ERC2: variants seen among roughly 807,000 people sequenced by gnomAD.
ERC2 encodes the protein ERC protein 2.
A neutral mutation model predicts 114.8 loss-of-function variants in ERC2; 42 were observed. The ratio of observed to expected loss-of-function variants is 0.37; its 90% CI spans 0.29 to 0.47. ERC2 has a LOEUF of 0.47. ERC2 is among the 20% of genes least tolerant of loss of function. The pLI is 0.99. For missense variants in ERC2, 939 were observed against 1,150.7 expected, an observed-to-expected ratio of 0.82 and a Z score of 2.66; for synonymous variants, 454 against 425.5, an observed-to-expected ratio of 1.07 and a Z score of -0.82.
chr3:55,937,950 T>TG (rs920073815), intron 13 of ERC2, among the ~76,000 whole-genome samples: 5 of 152,224 alleles, frequency 3.3e-5, no homozygotes, highest in African/African-American at 1.2e-4. Flanking sequence ...GCCCCAGCAA[T>TG]GCTGCAGGAG....
chr3:56,068,418 T>G (rs1034602256), intron 7 of ERC2, among the ~76,000 whole-genome samples: 1 of 151,986 alleles, frequency 6.6e-6, no homozygotes, highest in Non-Finnish European at 1.5e-5. Flanking sequence ...GTCTATTTGA[T>G]TCTTCTCTTT....
At chr3:55,688,255 G>A (rs1461103312) in intron 16 of ERC2, among the ~76,000 whole-genome samples, 1 of 152,152 alleles carries the variant, frequency 6.6e-6, no homozygotes, top group Admixed American at 6.5e-5. Flanking sequence ...ACCTCCTCCA[G>A]GTTAGAAAGA....
At chr3:55,939,726 C>T (rs1419577703) in intron 13 of ERC2, among the ~76,000 whole-genome samples, 1 of 152,194 alleles carries the variant, frequency 6.6e-6, no homozygotes, top group Non-Finnish European at 1.5e-5. Flanking sequence ...CCCCTGCTGA[C>T]ATAGTGGCTT....
chr3:56,371,863 C>T (rs1357040787), intron 2 of ERC2, among the ~76,000 whole-genome samples: 1 of 152,268 alleles, frequency 6.6e-6, no homozygotes, highest in Non-Finnish European at 1.5e-5. Flanking sequence ...GGCTCATCCT[C>T]ATATGCTCAC....
intron 14 of ERC2, among the ~76,000 whole-genome samples, chr3:55,846,437 G>C (rs1293968781): frequency 1.3e-5 from 2 of 152,100 alleles, no homozygotes; most frequent in Non-Finnish European, 2.9e-5. Flanking sequence ...TTGCTATTGT[G>C]TACAGTGCTG....
chr3:55,759,411 C>T (rs2067264826), intron 14 of ERC2, among the ~76,000 whole-genome samples: 1 of 135,878 alleles, frequency 7.4e-6, no homozygotes, highest in Non-Finnish European at 1.5e-5. Context: ...CTATTGTCTC[C>T]TCCCCCTCTC....
chr3:55,894,035 C>T (rs965674225), intron 13 of ERC2, among the ~76,000 whole-genome samples: 5 of 152,102 alleles, frequency 3.3e-5, no homozygotes, highest in Admixed American at 3.3e-4. Context: ...ATATTCTTAA[C>T]ACAAGAGGCG....
intron 1 of ERC2, among the ~76,000 whole-genome samples, chr3:56,453,264 T>G (rs552016361): frequency 6.6e-6 from 1 of 152,334 alleles, no homozygotes; most frequent in Non-Finnish European, 1.5e-5. Flanking sequence ...ACAGTAGCTA[T>G]CAGAGCCCTC....
At chr3:56,149,839 A>C (rs2081326251) in intron 4 of ERC2, among the ~76,000 whole-genome samples, 1 of 152,186 alleles carries the variant, frequency 6.6e-6, no homozygotes, top group Non-Finnish European at 1.5e-5. Context: ...ACAACTAGAA[A>C]TATTACACTC....
chr3:55,664,252 A>G (rs908430486), intron 17 of ERC2, among the ~76,000 whole-genome samples: 2 of 152,196 alleles, frequency 1.3e-5, no homozygotes, highest in African/African-American at 4.8e-5. Context: ...TCTGTATTTA[A>G]CAAGTTTATA....
intron 13 of ERC2, among the ~76,000 whole-genome samples, chr3:55,901,997 A>G (rs899312412): frequency 6.6e-6 from 1 of 152,206 alleles, no homozygotes; most frequent in Admixed American, 6.5e-5. Context: ...AAAACAAACC[A>G]TCACACACAA....
chr3:56,047,083 C>G (rs989406384), intron 7 of ERC2, among the ~76,000 whole-genome samples: 1 of 152,172 alleles, frequency 6.6e-6, no homozygotes, highest in Non-Finnish European at 1.5e-5. Flanking sequence ...CTTAAACTTT[C>G]CTAGGAGGCT....
At chr3:56,311,237 C>CTATA (rs2056530794) in intron 2 of ERC2, among the ~76,000 whole-genome samples, 1 of 16,374 alleles carries the variant, frequency 6.1e-5, no homozygotes, top group Non-Finnish European at 1.7e-4. Flanking sequence ...CATCTTCTCT[C>CTATA]TCTCTCTCTC....
chr3:55,725,646 T>G (rs966398557), intron 15 of ERC2, among the ~76,000 whole-genome samples: 1 of 152,172 alleles, frequency 6.6e-6, no homozygotes, highest in African/African-American at 2.4e-5. Flanking sequence ...CCATAAGTGC[T>G]CCATGCATGT....
Position 55,562,838 on chromosome 3 carries a change from A to T in ERC2, c.*40-51562T>A, listed in dbSNP as rs565398765. Among the ~76,000 whole-genome samples the T allele has an allele frequency of 3.3e-5, 5 of 152,324 alleles. No individual in the cohort carries two copies. In the South Asian group the frequency reaches 1.0e-3, roughly 32 times the overall value. ...TTTTTTTGTTGTTGTTTAAAAAAAAAGATCATGATATGATAGCAAATGAAT... is the reference window on the plus strand; with the variant it reads ...TTTTTTTGTTGTTGTTTAAAAAAAATGATCATGATATGATAGCAAATGAAT... On this transcript the variant is annotated intron_variant, in intron 17 of 17. Coordinates refer to ENST00000288221, the MANE Select transcript of ERC2 (RefSeq NM_015576.3).
chr3:56,039,064 T>C (rs977964350), intron 7 of ERC2, among the ~76,000 whole-genome samples: 1 of 152,178 alleles, frequency 6.6e-6, no homozygotes, highest in African/African-American at 2.4e-5. Flanking sequence ...GCATCTATTA[T>C]GTACTTCTCT....
intron 17 of ERC2, among the ~76,000 whole-genome samples, chr3:55,533,750 C>T (rs1457049539): frequency 6.6e-6 from 1 of 152,188 alleles, no homozygotes; most frequent in Non-Finnish European, 1.5e-5. Context: ...AGTCTCAGAC[C>T]CGCTCCTTGC....
intron 1 of ERC2, among the ~76,000 whole-genome samples, chr3:56,442,170 G>A (rs1052503658): frequency 6.6e-5 from 10 of 152,054 alleles, no homozygotes; most frequent in East Asian, 1.9e-4. Flanking sequence ...CCCGAATTAC[G>A]AAACTCAGGA....
chr3:56,374,809 C>T (rs2059480552), intron 2 of ERC2, among the ~76,000 whole-genome samples: 1 of 152,202 alleles, frequency 6.6e-6, no homozygotes, highest in Non-Finnish European at 1.5e-5. Context: ...GCAAAGGCTA[C>T]AACCACCAAC....
Sources: allele counts gnomAD v4.1 joint callset (sites outside exome capture counted in the v4.1 genomes callset), GRCh38; gene constraint gnomAD v4.1.1; transcripts MANE v1.5; gene names NCBI Gene and HGNC (gene_info 2026-07-23, HGNC 2026-07-21).